PRR16: variants seen among roughly 807,000 people sequenced by gnomAD.
PRR16 encodes the protein protein Largen.
A neutral mutation model predicts 18.2 loss-of-function variants in PRR16; 6 were observed. That is an observed-to-expected ratio of 0.33 (90% CI 0.18 to 0.65). The LOEUF is 0.65. PRR16 is among the 30% of genes least tolerant of loss of function. PRR16 has a pLI of 0.74. For missense variants in PRR16, 412 were observed against 376.6 expected (o/e 1.09, Z -0.78); for synonymous variants, 151 against 147.8 (o/e 1.02, Z -0.16).
chr5:120,781,726 C>CAGAT, the PRR16 span, among the ~76,000 whole-genome samples: 1 of 152,072 alleles, frequency 6.6e-6, no homozygotes. Flanking sequence ...GATACAGTTT[C>CAGAT]AGATAGTAAT....
the PRR16 span, among the ~76,000 whole-genome samples, chr5:120,704,371 C>A: frequency 6.6e-6 from 1 of 151,964 alleles, no homozygotes; most frequent in Non-Finnish European, 1.5e-5. Flanking sequence ...CCTTTCCTGG[C>A]CTAAGGATGT....
the PRR16 span, among the ~76,000 whole-genome samples, chr5:120,697,596 A>G: frequency 6.6e-6 from 1 of 152,190 alleles, no homozygotes; most frequent in African/African-American, 2.4e-5. Flanking sequence ...TGTGAGCAAC[A>G]TGGCTGTTTA....
At chr5:120,771,829 C>T in the PRR16 span, among the ~76,000 whole-genome samples, 1 of 151,760 alleles carries the variant, frequency 6.6e-6, no homozygotes, top group Non-Finnish European at 1.5e-5. Context: ...TTAAAAATGA[C>T]TAGAAACACG....
intron 1 of PRR16, among the ~76,000 whole-genome samples, chr5:120,594,156 A>G (rs942603462): frequency 4.6e-5 from 7 of 152,186 alleles, no homozygotes; most frequent in Admixed American, 3.9e-4. Context: ...GGCAAGAGCA[A>G]TCAGGCAAAA....
intron 1 of PRR16, among the ~76,000 whole-genome samples, chr5:120,580,479 G>C (rs1753233554): frequency 7.2e-6 from 1 of 138,486 alleles, no homozygotes; most frequent in Non-Finnish European, 1.5e-5. Context: ...TTTTGAGACA[G>C]GATCTTGCTC....
the PRR16 span, among the ~76,000 whole-genome samples, chr5:120,767,209 A>G: frequency 2.6e-5 from 4 of 151,906 alleles, no homozygotes; most frequent in African/African-American, 9.7e-5. Context: ...TCTCATCTTT[A>G]AGAGCTGTTA....
At chr5:120,742,041 C>T in the PRR16 span, among the ~76,000 whole-genome samples, 1 of 152,024 alleles carries the variant, frequency 6.6e-6, no homozygotes, top group Non-Finnish European at 1.5e-5. Context: ...TTTCTCTCCT[C>T]TTGTTAGCAT....
chr5:120,525,096 C>G (rs1751307333), intron 1 of PRR16, among the ~76,000 whole-genome samples: 1 of 152,024 alleles, frequency 6.6e-6, no homozygotes, highest in South Asian at 2.1e-4. Flanking sequence ...GCAAGTCACT[C>G]TTTCTTATGA....
intron 1 of PRR16, among the ~76,000 whole-genome samples, chr5:120,670,521 A>G (rs1486777182): frequency 6.6e-6 from 1 of 152,174 alleles, no homozygotes; most frequent in East Asian, 1.9e-4. Flanking sequence ...TAGAAAGCCT[A>G]TTCTACAAGA....
At chr5:120,502,709 T>C (rs1750504926) in intron 1 of PRR16, among the ~76,000 whole-genome samples, 1 of 152,214 alleles carries the variant, frequency 6.6e-6, no homozygotes, top group Admixed American at 6.5e-5. Context: ...AGTCGAAGCA[T>C]GTGACCTTGC....
the PRR16 span, among the ~76,000 whole-genome samples, chr5:120,768,456 A>AAT: frequency 1.3e-5 from 2 of 151,536 alleles, no homozygotes; most frequent in African/African-American, 2.4e-5. Context: ...TTGGTAAAAA[A>AAT]ATATATATAT....
At chr5:120,554,736 C>T (rs1200574602) in intron 1 of PRR16, among the ~76,000 whole-genome samples, 1 of 151,940 alleles carries the variant, frequency 6.6e-6, no homozygotes, top group Non-Finnish European at 1.5e-5. Context: ...GCCAGAGTAG[C>T]TCTACTGTCC....
chr5:120,516,903 CT>C (rs1422444671), intron 1 of PRR16, among the ~76,000 whole-genome samples: 1 of 152,044 alleles, frequency 6.6e-6, no homozygotes, highest in African/African-American at 2.4e-5. Context: ...TACCAGCAGG[CT>C]TTGTCAGGCA....
At chr5:120,763,938 C>A in the PRR16 span, among the ~76,000 whole-genome samples, 24 of 151,946 alleles carry the variant, frequency 1.6e-4, no homozygotes, top group Admixed American at 1.6e-3. Context: ...ATTTGCTTAT[C>A]AGGTCTCAGA....
the PRR16 span, among the ~76,000 whole-genome samples, chr5:120,791,837 T>C: frequency 6.6e-6 from 1 of 152,194 alleles, no homozygotes; most frequent in Non-Finnish European, 1.5e-5. Flanking sequence ...TGTTGTTCTG[T>C]ACACTTAAAT....
At chr5:120,474,936 A>C (rs1749392658) in intron 1 of PRR16, among the ~76,000 whole-genome samples, 1 of 152,186 alleles carries the variant, frequency 6.6e-6, no homozygotes, top group Non-Finnish European at 1.5e-5. Flanking sequence ...TCCATCAATT[A>C]GTCTTATGCT....
At chr5:120,591,172 G>A (rs377589249) in intron 1 of PRR16, among the ~76,000 whole-genome samples, 2 of 151,804 alleles carry the variant, frequency 1.3e-5, no homozygotes, top group Non-Finnish European at 2.9e-5. Context: ...CCAGCTACTC[G>A]GGAGGCTGAG....
At chr5:120,790,864 TATCTA>T in the PRR16 span, 1 of 152,078 alleles carries the variant, frequency 6.6e-6, no homozygotes, top group African/African-American at 2.4e-5. Context: ...AAAAATCAGT[TATCTA>T]ATAAAAAATG....
intron 1 of PRR16, among the ~76,000 whole-genome samples, chr5:120,503,601 A>C (rs989368613): frequency 6.6e-6 from 1 of 152,120 alleles, no homozygotes; most frequent in Non-Finnish European, 1.5e-5. Context: ...TTCTTTAGGG[A>C]AAACCTGTTT....
Sources: allele counts gnomAD v4.1 joint callset (sites outside exome capture counted in the v4.1 genomes callset), GRCh38; gene constraint gnomAD v4.1.1; transcripts MANE v1.5; gene names NCBI Gene and HGNC (gene_info 2026-07-23, HGNC 2026-07-21).